Variants in GLI2 observed in about 807,000 individuals in gnomAD.
GLI2 encodes the protein GLI family zinc finger 2, also known as transcription activator GLI2.
In GLI2, 22 loss-of-function variants were observed where a neutral mutation model predicts 78.9. The observed-to-expected ratio is 0.28, with a 90% CI of 0.20 to 0.40. GLI2 has a LOEUF of 0.40. Ranked by LOEUF, GLI2 falls within the 10% of genes least tolerant of loss-of-function variation. GLI2 has a pLI of 1.00. For missense variants in GLI2, 2,097 were observed against 2,213.2 expected, an observed-to-expected ratio of 0.95 and a Z score of 1.05; for synonymous variants, 974 against 963.7, an observed-to-expected ratio of 1.01 and a Z score of -0.20.
At chr2:120,779,938 A>G (rs1325120804) in intron 1 of GLI2, among the ~76,000 whole-genome samples, 1 of 152,120 alleles carries the variant, frequency 6.6e-6, no homozygotes, top group Non-Finnish European at 1.5e-5. Context: ...GTGTGTGCGT[A>G]TGTGTCACGG....
intron 2 of GLI2, among the ~76,000 whole-genome samples, chr2:120,889,861 G>T (rs919194829): frequency 1.3e-5 from 2 of 152,180 alleles, no homozygotes; most frequent in African/African-American, 4.8e-5. Context: ...CACATAGCTG[G>T]TGGGAATGTA....
At chr2:120,814,598 C>T (rs1436505145) in intron 2 of GLI2, among the ~76,000 whole-genome samples, 1 of 152,164 alleles carries the variant, frequency 6.6e-6, no homozygotes, top group Non-Finnish European at 1.5e-5. Flanking sequence ...AGGTGAGCAG[C>T]AGGCAAGAGC....
intron 3 of GLI2, among the ~76,000 whole-genome samples, chr2:120,931,000 C>T (rs1679921962): frequency 6.6e-6 from 1 of 152,268 alleles, no homozygotes; most frequent in Non-Finnish European, 1.5e-5. Context: ...CAGAGGCCCA[C>T]AGAAATGGCC....
intron 2 of GLI2, among the ~76,000 whole-genome samples, chr2:120,798,948 C>T (rs1457536254): frequency 2.6e-5 from 4 of 152,154 alleles, no homozygotes; most frequent in South Asian, 2.1e-4. Flanking sequence ...GGGTTTTCAG[C>T]GGGAACCATC....
chr2:120,988,913 C>A lies in GLI2; in HGVS notation c.2948C>A (p.Pro983His). ...AACGTGAACCCCGGCCCGCTGCCGC[C>A]CTGTGCCGACAGGCGAGGCCTCCGC... ...THNVNPGPLP[P>H]CADRRGLRLQ... Residue 983 changes from proline (P) to histidine (H), a missense_variant, in exon 14 of 14, where the codon CCC becomes CAC. Coordinates refer to ENST00000361492, the MANE Select transcript of GLI2 (RefSeq NM_001374353.1). 1 of 1,517,790 alleles carries A rather than the reference C, an allele frequency of 6.6e-7. No individual in the cohort carries two copies. Among genetic ancestry groups the A allele is most frequent in the Admixed American group, 2.0e-5 (1 of 50,460 alleles). 94.0% of individuals were successfully genotyped at this position (1,517,790 alleles called of 1,614,324 possible).
intron 2 of GLI2, among the ~76,000 whole-genome samples, chr2:120,821,102 C>G (rs1372498327): frequency 6.6e-6 from 1 of 152,116 alleles, no homozygotes; most frequent in African/African-American, 2.4e-5. Flanking sequence ...CTGCTCCTCC[C>G]TGACTGGCAG....
At chr2:120,749,366 G>A (rs1682794852) in intron 1 of GLI2, among the ~76,000 whole-genome samples, 1 of 152,036 alleles carries the variant, frequency 6.6e-6, no homozygotes, top group Non-Finnish European at 1.5e-5. Flanking sequence ...TAATATAGTA[G>A]AGCTGTATTT....
intron 2 of GLI2, among the ~76,000 whole-genome samples, chr2:120,818,052 G>A (rs1685584995): frequency 6.6e-6 from 1 of 152,210 alleles, no homozygotes; most frequent in African/African-American, 2.4e-5. Flanking sequence ...ACTCTTGCCT[G>A]TGCTTTTCCA....
chr2:120,882,918 A>G (rs1192820617), intron 2 of GLI2, among the ~76,000 whole-genome samples: 3 of 152,148 alleles, frequency 2.0e-5, no homozygotes, highest in Non-Finnish European at 4.4e-5. Flanking sequence ...TTGTGTAACC[A>G]TCACAACCAA....
At chr2:120,940,118 C>T (rs1468100081) in intron 3 of GLI2, among the ~76,000 whole-genome samples, 2 of 152,254 alleles carry the variant, frequency 1.3e-5, no homozygotes, top group Middle Eastern at 3.4e-3. Context: ...TCTATGAGGT[C>T]GTCTTTTTCC....
At chr2:120,842,166 G>C (rs991450690) in intron 2 of GLI2, among the ~76,000 whole-genome samples, 2 of 150,906 alleles carry the variant, frequency 1.3e-5, no homozygotes, top group African/African-American at 4.9e-5. Flanking sequence ...CTCCCTCTCA[G>C]CCAGCCCCCT....
intron 2 of GLI2, among the ~76,000 whole-genome samples, chr2:120,919,419 G>A (rs78447969): frequency 0.012 from 1,879 of 152,354 alleles, 35 homozygotes; most frequent in African/African-American, 0.042. Context: ...ACGCAGAGCA[G>A]GCACCCCAGG....
intron 2 of GLI2, among the ~76,000 whole-genome samples, chr2:120,811,045 G>C (rs1252320711): frequency 6.6e-6 from 1 of 152,218 alleles, no homozygotes; most frequent in East Asian, 1.9e-4. Context: ...ACCATCCACT[G>C]TGACCGAGCC....
rs777189943 is a variant in GLI2, at chr2:120,989,556, G to C, written c.3591G>C (p.Gln1197His). 7 of 1,612,842 alleles carry C rather than the reference G, an allele frequency of 4.3e-6. No homozygotes were observed. The African/African-American group carries it at 9.3e-5, about 22-fold the overall frequency. The change falls in exon 14 of 14, where the codon CAG (glutamine) becomes CAC (histidine). Residue 1197 changes from glutamine (Q) to histidine (H), a missense_variant. Coordinates refer to ENST00000361492, the MANE Select transcript of GLI2 (RefSeq NM_001374353.1). Reference sequence around the variant, plus strand: ...AGCCCCGCAGCGGAGCCCCCTCCCAGGGCATCCCCAGGGTAAACTACATGC... The same window carrying C: ...AGCCCCGCAGCGGAGCCCCCTCCCACGGCATCCCCAGGGTAAACTACATGC... ...HLQPRSGAPSQGIPRVNYMQQ... is the reference protein window; with the variant it reads ...HLQPRSGAPSHGIPRVNYMQQ...
rs148374153 is a variant in GLI2, at chr2:120,843,585, G to A, written c.148+46117G>A. 5.4e-3 allele frequency among the ~76,000 whole-genome samples: 830 copies of A among 152,346 alleles called. 5 individuals carry two copies. Among genetic ancestry groups the A allele is most frequent in the African/African-American group, 0.019 (791 of 41,576 alleles). ...ATACCCCGCTTTGGTTAAGGTCTGT[G>A]TAGTGGATTGCAGGGCAGCTGGGAC... On this transcript the variant is annotated intron_variant, in intron 2 of 13. Coordinates refer to ENST00000361492, the MANE Select transcript of GLI2 (RefSeq NM_001374353.1).
intron 2 of GLI2, among the ~76,000 whole-genome samples, chr2:120,913,333 G>A (rs1314061502): frequency 2.0e-5 from 3 of 152,206 alleles, no homozygotes; most frequent in Non-Finnish European, 4.4e-5. Context: ...TGAAGACGTA[G>A]TAGGAATAAA....
chr2:120,933,326 G>A (rs1216065991), intron 3 of GLI2, among the ~76,000 whole-genome samples: 1 of 152,198 alleles, frequency 6.6e-6, no homozygotes, highest in African/African-American at 2.4e-5. Flanking sequence ...TTCCAGGGGA[G>A]GAAAGTCACC....
chr2:120,978,355 A>C (rs1682559143), intron 9 of GLI2, 79 bp from the exon 10 acceptor site: 1 of 1,526,170 alleles, frequency 6.6e-7, no homozygotes, highest in African/African-American at 1.4e-5. Context: ...GTGCCGGTGC[A>C]GGTGGTCAGC....
At chr2:120,888,460 C>A (rs534136622) in intron 2 of GLI2, among the ~76,000 whole-genome samples, 1 of 152,286 alleles carries the variant, frequency 6.6e-6, no homozygotes, top group East Asian at 1.9e-4. Flanking sequence ...CTTTTATCTT[C>A]TTAATTTTCA....
Sources: allele counts gnomAD v4.1 joint callset (sites outside exome capture counted in the v4.1 genomes callset), GRCh38; gene constraint gnomAD v4.1.1; transcripts MANE v1.5; gene names NCBI Gene and HGNC (gene_info 2026-07-23, HGNC 2026-07-21).